The following XPR1 variants were observed in gnomAD, a reference collection of about 807,000 sequenced individuals.
XPR1 encodes the protein solute carrier family 53 member 1.
XPR1 carries 28 observed loss-of-function variants against 87.5 expected under a neutral mutation model. The ratio of observed to expected loss-of-function variants is 0.32; its 90% CI spans 0.24 to 0.44. The LOEUF is 0.44. XPR1 is among the 20% of genes least tolerant of loss of function. XPR1 has a pLI of 1.00. For synonymous variants in XPR1, 300 were observed against 306.1 expected, an observed-to-expected ratio of 0.98 and a Z score of 0.21; for missense variants, 559 against 862.3, an observed-to-expected ratio of 0.65 and a Z score of 4.41.
rs568844191 is a variant in XPR1 at position 180,845,987 on chromosome 1, C to T, written c.1501+9271C>T. 3.3e-4 allele frequency among the ~76,000 whole-genome samples: 51 copies of T among 152,248 alleles called. 1 individual carries two copies. Among genetic ancestry groups the T allele is most frequent in the Admixed American group, 1.1e-3 (17 of 15,298 alleles). ...TAAGAAATATCAAGGGGGCTGGGCA[C>T]GGTGGCTCACGCCTGTAATCCTAGC... On this transcript the variant is annotated intron_variant, in intron 11 of 14. Transcript: ENST00000367590.
chr1:180,833,645 TAAAAAC>T (rs149088847), intron 9 of XPR1, among the ~76,000 whole-genome samples: 3,689 of 152,214 alleles, frequency 0.024, 147 homozygotes, highest in African/African-American at 0.083. Context: ...AGTGCAAACT[TAAAAAC>T]AAGAACAAAG....
chr1:180,659,106 C>G (rs1364815289), intron 1 of XPR1, among the ~76,000 whole-genome samples: 1 of 108,202 alleles, frequency 9.2e-6, no homozygotes, highest in Admixed American at 8.9e-5. Context: ...CTCCCTCCCT[C>G]CCTTCCTCCC....
intron 11 of XPR1, among the ~76,000 whole-genome samples, chr1:180,837,161 GAT>G (rs1651322532): frequency 6.6e-6 from 1 of 152,112 alleles, no homozygotes; most frequent in Non-Finnish European, 1.5e-5. Flanking sequence ...TGAGTTCTCT[GAT>G]TCCTCTAGTT....
Position 180,863,721 on chromosome 1 carries a change from G to A in XPR1, c.1515G>A (p.Ser505=), listed in dbSNP as rs577618415. The A allele has an allele frequency of 2.2e-5, 34 of 1,577,812 alleles. No individual in the cohort carries two copies. The highest frequency in any genetic ancestry group is 1.6e-4 in the East Asian group (7 of 43,846). The part of the protein sequence containing the change: ...LYSTHKERGH[S]DTMVFFYLWI... ...TTCTTTCTTCAGAACGAGGTCACTC[G>A]GACACTATGGTGTTCTTTTACCTGT... Residue 505 remains serine (S), a synonymous_variant, in exon 12 of 15, where the codon TCG becomes TCA. Transcript: ENST00000367590.
At chr1:180,679,361 G>A (rs1656481814) in intron 1 of XPR1, among the ~76,000 whole-genome samples, 1 of 152,168 alleles carries the variant, frequency 6.6e-6, no homozygotes, top group Admixed American at 6.5e-5. Context: ...TGGAGGGTGA[G>A]GATTGATACT....
intron 2 of XPR1, among the ~76,000 whole-genome samples, chr1:180,767,937 C>T (rs563784499): frequency 3.3e-5 from 5 of 152,128 alleles, no homozygotes; most frequent in Admixed American, 1.3e-4. Context: ...CTCCACCTCC[C>T]GGGTTCACAC....
chr1:180,758,624 C>G (rs1647856676), intron 2 of XPR1: 1 of 152,412 alleles, frequency 6.6e-6, no homozygotes, highest in African/African-American at 2.4e-5. Context: ...AGGAGAATAG[C>G]CTGAACCCAG....
intron 2 of XPR1, among the ~76,000 whole-genome samples, chr1:180,755,061 A>G (rs1193362672): frequency 1.3e-5 from 2 of 152,184 alleles, no homozygotes; most frequent in Non-Finnish European, 2.9e-5. Context: ...CGATATGGAG[A>G]AGGAGAAAAC....
intron 2 of XPR1, among the ~76,000 whole-genome samples, chr1:180,772,882 A>G (rs1438624571): frequency 1.3e-5 from 2 of 152,166 alleles, no homozygotes; most frequent in Admixed American, 6.5e-5. Context: ...AAAACTGACT[A>G]ATACATACAC....
At chr1:180,753,447 G>C (rs992913169) in intron 2 of XPR1, among the ~76,000 whole-genome samples, 1 of 151,906 alleles carries the variant, frequency 6.6e-6, no homozygotes, top group African/African-American at 2.4e-5. Flanking sequence ...CCAGCTACTC[G>C]GGAGGCTAAA....
At chr1:180,844,260 G>T (rs1297181502) in intron 11 of XPR1, among the ~76,000 whole-genome samples, 2 of 152,180 alleles carry the variant, frequency 1.3e-5, no homozygotes, top group Non-Finnish European at 2.9e-5. Context: ...TTGTCTAATT[G>T]AAGAGAAATT....
At chr1:180,759,720 A>C (rs1268774306) in intron 2 of XPR1, among the ~76,000 whole-genome samples, 1 of 152,210 alleles carries the variant, frequency 6.6e-6, no homozygotes, top group Non-Finnish European at 1.5e-5. Flanking sequence ...TTCTGAAACT[A>C]TTCCAATCAA....
At chr1:180,638,110 CTT>C in intron 1 of XPR1, among the ~76,000 whole-genome samples, 1 of 151,736 alleles carries the variant, frequency 6.6e-6, no homozygotes, top group East Asian at 1.9e-4. Flanking sequence ...AAAAATGAAA[CTT>C]TTCAGTTATG....
chr1:180,743,531 C>G (rs1044654710), intron 2 of XPR1, among the ~76,000 whole-genome samples: 1 of 152,086 alleles, frequency 6.6e-6, no homozygotes, highest in Non-Finnish European at 1.5e-5. Context: ...TTATAGAACT[C>G]AAGAAGAATA....
intron 2 of XPR1, among the ~76,000 whole-genome samples, chr1:180,774,228 T>C (rs1259304294): frequency 1.3e-5 from 2 of 152,094 alleles, no homozygotes; most frequent in Non-Finnish European, 2.9e-5. Context: ...TAATTTTCTT[T>C]ATTTGGTTAT....
rs146215270 is a variant in XPR1 at position 180,748,686 on chromosome 1, G to A, written c.122-39067G>A. ...ACCCACCTCAGCCTCCCAAAGTGCTGGGATTACAGCATGAGCCACCGTGCT... is the reference window on the plus strand; with the variant it reads ...ACCCACCTCAGCCTCCCAAAGTGCTAGGATTACAGCATGAGCCACCGTGCT... On this transcript the variant is annotated intron_variant, in intron 2 of 14. Coordinates refer to ENST00000367590, the MANE Select transcript of XPR1 (RefSeq NM_004736.4). Among the ~76,000 whole-genome samples, 96 of 152,022 alleles carry A rather than the reference G, an allele frequency of 6.3e-4. 1 individual carries two copies. Among genetic ancestry groups the A allele is most frequent in the Non-Finnish European group, 1.2e-3 (80 of 67,964 alleles).
intron 2 of XPR1, among the ~76,000 whole-genome samples, chr1:180,710,725 A>G (rs1398935341): frequency 6.6e-6 from 1 of 152,236 alleles, no homozygotes; most frequent in Non-Finnish European, 1.5e-5. Context: ...TACACCTCCC[A>G]GATGGGGTGG....
Position 180,688,314 on chromosome 1 carries a change from C to T in XPR1, c.121+5903C>T, listed in dbSNP as rs151154068. On this transcript the variant is annotated intron_variant, in intron 2 of 14. Transcript: ENST00000367590. The stretch of plus-strand genomic sequence containing the variant: ...ATGTTGGCCAGGCTGGTCTCGAACT[C>T]CTGACCTCAAGTGATCCACCCACCT... Among the ~76,000 whole-genome samples, 1,392 of 151,692 alleles carry T rather than the reference C, an allele frequency of 9.2e-3. 17 individuals are homozygous for T. The highest frequency in any genetic ancestry group is 0.031 in the African/African-American group (1,262 of 41,364).
intron 11 of XPR1, among the ~76,000 whole-genome samples, chr1:180,846,497 A>G (rs1178737903): frequency 1.3e-5 from 2 of 150,766 alleles, no homozygotes; most frequent in Non-Finnish European, 3.0e-5. Context: ...CCTGGAGTGC[A>G]GTGGCACGAT....
Sources: allele counts gnomAD v4.1 joint callset (sites outside exome capture counted in the v4.1 genomes callset), GRCh38; gene constraint gnomAD v4.1.1; transcripts MANE v1.5; gene names NCBI Gene and HGNC (gene_info 2026-07-23, HGNC 2026-07-21).